RBBP5: variants seen among roughly 807,000 people sequenced by gnomAD.
RBBP5 encodes retinoblastoma-binding protein 5.
Under a neutral mutation model 72.2 loss-of-function variants are expected in RBBP5, and 5 were observed. That is an observed-to-expected ratio of 0.07 (90% CI 0.04 to 0.15). The LOEUF (loss-of-function observed/expected upper bound fraction) is 0.15, where lower values mean the gene tolerates loss of function less well. RBBP5 is among the 10% of genes least tolerant of loss of function. RBBP5 has a pLI of 1.00. For synonymous variants in RBBP5, 209 were observed against 237.2 expected (o/e 0.88, Z 1.09); for missense variants, 322 against 652.2 (o/e 0.49, Z 5.51).
Position 205,095,069 on chromosome 1 carries a change from A to G in RBBP5, c.1397-5T>C. 5.0e-6 allele frequency: 8 copies of G among 1,613,870 alleles called. No individual in the cohort carries two copies. The highest frequency in any genetic ancestry group is 6.8e-6 in the Non-Finnish European group (8 of 1,179,836). On this transcript the variant is annotated splice_polypyrimidine_tract_variant and splice_region_variant and intron_variant, in intron 12 of 13. Coordinates refer to ENST00000264515, the MANE Select transcript of RBBP5 (RefSeq NM_005057.4). The stretch of plus-strand genomic sequence containing the variant: ...CACCCAGTAGTGGATGGACTTCTGT[A>G]GGACAGACAGGCATGGAAAGGAATC...
chr1:205,093,939 T>A (rs1449165502), intron 13 of RBBP5, among the ~76,000 whole-genome samples: 1 of 152,162 alleles, frequency 6.6e-6, no homozygotes, highest in Non-Finnish European at 1.5e-5. Context: ...CCTTTGAGTC[T>A]ACCAAACTAG....
Position 205,100,178 on chromosome 1 carries a change from C to T in RBBP5, c.726G>A (p.Met242Ile), listed in dbSNP as rs1181372175. 1 of 1,614,188 alleles carries T rather than the reference C, an allele frequency of 6.2e-7. No individual in the cohort carries two copies. The highest frequency in any genetic ancestry group is 1.3e-5 in the African/African-American group (1 of 75,062). Residue 242 changes from methionine (M) to isoleucine (I), a missense_variant, in exon 7 of 14, where the codon ATG becomes ATA. Around this residue, in one of 6 missense-constraint regions of RBBP5, gnomAD observed 161 missense variants for 327.8 expected, o/e 0.49. Coordinates refer to ENST00000264515, the MANE Select transcript of RBBP5 (RefSeq NM_005057.4). ...TATTCACCAAATCCTGCAATTTCTG[C>T]ATAGGTTCAGGCTCTCCATCTCTTC... is the stretch of plus-strand genomic sequence containing the variant. ...TCGRDGEPEP[M>I]QKLQDLVNRT...
At chr1:205,103,830 G>A in intron 5 of RBBP5, 27 bp downstream of exon 5, 1 of 1,601,738 alleles carries the variant, frequency 6.2e-7, no homozygotes, top group Non-Finnish European at 8.5e-7. Context: ...TGTACAAGAT[G>A]CCTGATTTGC....
intron 6 of RBBP5, among the ~76,000 whole-genome samples, chr1:205,100,927 T>C (rs1466874054): frequency 6.6e-6 from 1 of 151,988 alleles, no homozygotes; most frequent in Non-Finnish European, 1.5e-5. Flanking sequence ...TCATAAGGAG[T>C]GTACAACCTA....
intron 3 of RBBP5, among the ~76,000 whole-genome samples, chr1:205,110,051 T>C (rs1357032153): frequency 1.3e-5 from 2 of 151,918 alleles, no homozygotes; most frequent in Non-Finnish European, 2.9e-5. Flanking sequence ...GTTTTTTTTT[T>C]CCGAGACAGG....
intron 2 of RBBP5, 97 bp downstream of exon 2, chr1:205,115,761 T>C: frequency 1.4e-6 from 2 of 1,381,840 alleles, no homozygotes; most frequent in Non-Finnish European, 1.9e-6. Context: ...TTAATGCTTC[T>C]CTGTCAAAAC....
At chr1:205,119,851 T>C (rs1027322503) in intron 1 of RBBP5, among the ~76,000 whole-genome samples, 2 of 152,216 alleles carry the variant, frequency 1.3e-5, no homozygotes, top group African/African-American at 2.4e-5. Context: ...TAACTACAGA[T>C]TGTGTGCTTG....
rs1290785859 is a variant in RBBP5, at chr1:205,101,718, T to C, written c.523-9A>G. 6.3e-7 allele frequency: 1 copy of C among 1,590,190 alleles called. No individual in the cohort carries two copies. The highest frequency in any genetic ancestry group is 1.7e-5 in the Admixed American group (1 of 58,776). ...GTTTTTAGGACCAAAATCTAAAGTT[T>C]AAAGGAGGGGGGAAAAAAGTAAGTG... On this transcript the variant is annotated splice_polypyrimidine_tract_variant and intron_variant, in intron 5 of 13. Transcript: ENST00000264515.
chr1:205,095,524 A>C (rs552280645), intron 12 of RBBP5, among the ~76,000 whole-genome samples: 2 of 152,340 alleles, frequency 1.3e-5, no homozygotes, highest in South Asian at 4.1e-4. Flanking sequence ...CAGTAACTCT[A>C]AACTGAACAA....
chr1:205,112,819 T>C (rs554150385), intron 3 of RBBP5, among the ~76,000 whole-genome samples: 11 of 152,278 alleles, frequency 7.2e-5, no homozygotes, highest in African/African-American at 2.6e-4. Flanking sequence ...AACTATGCTT[T>C]AAAAAATCAT....
chr1:205,109,982 C>CT lies in RBBP5; in HGVS notation c.218+4806dup, dbSNP rs528652675. 1.1e-3 allele frequency among the ~76,000 whole-genome samples: 164 copies of CT among 152,094 alleles called. 1 individual carries two copies. The highest frequency in any genetic ancestry group is 3.7e-3 in the African/African-American group (154 of 41,498). ...GGAGCTCCTCTCTACTTGGAGTTAACTTTGTTTCCCTATAGCTAACTTCTG... is the reference window on the plus strand; with the variant it reads ...GGAGCTCCTCTCTACTTGGAGTTAACTTTTGTTTCCCTATAGCTAACTTCTG... On this transcript the variant is annotated intron_variant, in intron 3 of 13. Transcript: ENST00000264515.
At chr1:205,114,143 G>A (rs1177760427) in intron 3 of RBBP5, among the ~76,000 whole-genome samples, 3 of 152,184 alleles carry the variant, frequency 2.0e-5, no homozygotes, top group Admixed American at 2.0e-4. Context: ...ACTTTACTGT[G>A]ATTCAGGCCT....
chr1:205,086,867 C>T lies in RBBP5; in HGVS notation c.*1920G>A, dbSNP rs574651290. ...TCTAAGTCCCATAGTTTGCACACTG[C>T]TGCAGTGTACAGTGCAGAGGACTGG... On this transcript the variant is annotated 3_prime_UTR_variant, in exon 14 of 14. Coordinates refer to ENST00000264515, the MANE Select transcript of RBBP5 (RefSeq NM_005057.4). The T allele has an allele frequency of 6.6e-6, 1 of 152,300 alleles. No individual in the cohort carries two copies. The highest frequency in any genetic ancestry group is 1.5e-5 in the Non-Finnish European group (1 of 68,054). The allele number at this position is 152,300 out of a possible 1,614,324, so 9.4% of individuals were successfully genotyped here.
At chr1:205,109,876 G>C (rs940757089) in intron 3 of RBBP5, among the ~76,000 whole-genome samples, 5 of 151,968 alleles carry the variant, frequency 3.3e-5, no homozygotes, top group Non-Finnish European at 7.4e-5. Flanking sequence ...TCCTAACAAG[G>C]GGGGTGGCAA....
chr1:205,092,512 T>C (rs983271165), intron 13 of RBBP5, among the ~76,000 whole-genome samples: 3 of 151,910 alleles, frequency 2.0e-5, no homozygotes, highest in African/African-American at 7.3e-5. Context: ...AACGGCGTGA[T>C]CATAGCTCAC....
rs1655157469 is a variant in RBBP5 at position 205,086,808 on chromosome 1, AGCTACTTCACACG to A, written c.*1966_*1978del. The A allele has an allele frequency of 6.6e-6, 1 of 152,282 alleles. No individual in the cohort carries two copies. Among genetic ancestry groups the A allele is most frequent in the Non-Finnish European group, 1.5e-5 (1 of 68,122 alleles). The allele number at this position is 152,282 out of a possible 1,614,324, so 9.4% of individuals were successfully genotyped here. On this transcript the variant is annotated 3_prime_UTR_variant, in exon 14 of 14. Transcript: ENST00000264515. ...CCAAATGCACAGGCAGAGGAAACCA[AGCTACTTCACACG>A]TGGAAAGATGGCAGAAACCCTCTAA...
chr1:205,112,758 C>T (rs571292650), intron 3 of RBBP5, among the ~76,000 whole-genome samples: 103 of 152,110 alleles, frequency 6.8e-4, no homozygotes, highest in African/African-American at 2.4e-3. Context: ...AGAAAAATGT[C>T]GAGACAGTAT....
At chr1:205,090,360 C>T (rs1250329239) in intron 13 of RBBP5, among the ~76,000 whole-genome samples, 2 of 152,150 alleles carry the variant, frequency 1.3e-5, no homozygotes, top group Non-Finnish European at 2.9e-5. Context: ...TAATCAACAG[C>T]ATTAGTAATA....
At position 205,115,995 on chromosome 1, in the gene RBBP5, C is replaced by A. The variant is rs559300012; in HGVS notation, c.20-112G>T. ...ACAAAACGAAAAGGGGGATATGATG[C>A]CCTTTCAGGCATTCCATGAGGCCAT... On this transcript the variant is annotated intron_variant, in intron 1 of 13. Transcript: ENST00000264515. The A allele has an allele frequency of 5.6e-6, 9 of 1,606,606 alleles. No individual in the cohort carries two copies. The South Asian group carries it at 8.8e-5, about 16-fold the overall frequency.
Sources: allele counts gnomAD v4.1 joint callset (sites outside exome capture counted in the v4.1 genomes callset), GRCh38; gene constraint gnomAD v4.1.1; regional missense constraint gnomAD v4.1.1; transcripts MANE v1.5; gene names NCBI Gene and HGNC (gene_info 2026-07-23, HGNC 2026-07-21).